The following PRKN variants were observed in gnomAD, a reference collection of about 807,000 sequenced individuals.
The protein encoded by PRKN is parkin RBR E3 ubiquitin protein ligase.
PRKN carries 56 observed loss-of-function variants against 59.5 expected under a neutral mutation model. That is an observed-to-expected ratio of 0.94 (90% confidence interval 0.76 to 1.18). The LOEUF is 1.18. Ranked by LOEUF, PRKN falls within the 50% of genes most tolerant of loss-of-function variation. PRKN has a pLI of 0.00. For synonymous variants in PRKN, 250 were observed against 222.1 expected (o/e 1.13, Z -1.12); for missense variants, 657 against 596.4 (o/e 1.10, Z -1.06).
intron 2 of PRKN, among the ~76,000 whole-genome samples, chr6:162,350,448 G>A (rs898704674): frequency 7.9e-5 from 12 of 152,084 alleles, no homozygotes; most frequent in Non-Finnish European, 1.3e-4. Flanking sequence ...TCAAGCTACC[G>A]TAAAAAAGAG....
intron 1 of PRKN, among the ~76,000 whole-genome samples, chr6:162,564,993 A>C (rs898868594): frequency 6.6e-6 from 1 of 152,188 alleles, no homozygotes; most frequent in Non-Finnish European, 1.5e-5. Flanking sequence ...TGTGTAAACT[A>C]CTCTTACCCT....
intron 1 of PRKN, among the ~76,000 whole-genome samples, chr6:162,697,732 C>T (rs967857342): frequency 6.6e-6 from 1 of 152,096 alleles, no homozygotes; most frequent in Non-Finnish European, 1.5e-5. Context: ...TTTATGGAAA[C>T]AATTTTTGCA....
chr6:162,450,758 A>T (rs1247832651), intron 1 of PRKN, among the ~76,000 whole-genome samples: 1 of 152,224 alleles, frequency 6.6e-6, no homozygotes, highest in Non-Finnish European at 1.5e-5. Flanking sequence ...GTTAGAGTCT[A>T]AGGGCCTAAG....
chr6:162,719,914 A>C (rs938354599), intron 1 of PRKN, among the ~76,000 whole-genome samples: 2 of 109,202 alleles, frequency 1.8e-5, no homozygotes, highest in East Asian at 6.2e-4. Context: ...AAAAAAAAAA[A>C]AAAAACTAAA....
intron 7 of PRKN, among the ~76,000 whole-genome samples, chr6:161,601,162 T>C (rs1358374894): frequency 6.6e-6 from 1 of 152,228 alleles, no homozygotes; most frequent in African/African-American, 2.4e-5. Context: ...GTTTTTCTAT[T>C]TATGTCTTAG....
At chr6:162,332,194 T>C (rs144046704) in intron 2 of PRKN, among the ~76,000 whole-genome samples, 1 of 152,180 alleles carries the variant, frequency 6.6e-6, no homozygotes, top group Non-Finnish European at 1.5e-5. Context: ...AGATTTCACA[T>C]ACAATTCCAA....
intron 7 of PRKN, among the ~76,000 whole-genome samples, chr6:161,752,256 G>C (rs989038749): frequency 3.9e-5 from 6 of 152,144 alleles, no homozygotes; most frequent in African/African-American, 1.4e-4. Flanking sequence ...TGTAGTCCCA[G>C]CTACTCGAGA....
chr6:161,735,698 C>T (rs1181964516), intron 7 of PRKN, among the ~76,000 whole-genome samples: 2 of 151,972 alleles, frequency 1.3e-5, no homozygotes, highest in Non-Finnish European at 2.9e-5. Context: ...GGGTGGATCA[C>T]GAGGTCAGGA....
At chr6:162,720,735 C>T (rs1778912415) in intron 1 of PRKN, among the ~76,000 whole-genome samples, 2 of 152,090 alleles carry the variant, frequency 1.3e-5, no homozygotes, top group Admixed American at 6.5e-5. Flanking sequence ...CAGGCGTGAG[C>T]CACCGCGCCC....
intron 2 of PRKN, among the ~76,000 whole-genome samples, chr6:162,272,126 C>T (rs1021553728): frequency 6.6e-5 from 10 of 152,230 alleles, no homozygotes; most frequent in Middle Eastern, 3.4e-3. Context: ...GAGGGGGGAC[C>T]GCTCAGGAAT....
chr6:161,824,353 C>T (rs1331662783), intron 6 of PRKN, among the ~76,000 whole-genome samples: 1 of 152,124 alleles, frequency 6.6e-6, no homozygotes, highest in East Asian at 1.9e-4. Flanking sequence ...TTCATTTTGG[C>T]CAAGAATATA....
In PRKN at chr6:161,395,419, C is replaced by G. The variant is rs1258942322; in HGVS notation, c.1084-8542G>C. On this transcript the variant is annotated intron_variant, in intron 9 of 11. Transcript: ENST00000366898. This position sits in a 1 kb window ranked among gnomAD's most constrained non-coding sequence, Gnocchi z 5.0. The stretch of plus-strand genomic sequence containing the variant: ...CCTTCCAATATTTTGCCATGACAAA[C>G]AAAGCTGCAGGGAATGTCCCGCTCT... Among the ~76,000 whole-genome samples, 1 of 152,186 alleles carries G rather than the reference C, an allele frequency of 6.6e-6. No individual in the cohort carries two copies. Among genetic ancestry groups the G allele is most frequent in the Non-Finnish European group, 1.5e-5 (1 of 68,048 alleles).
intron 1 of PRKN, among the ~76,000 whole-genome samples, chr6:162,703,545 T>C (rs2128237224): frequency 6.6e-6 from 1 of 152,308 alleles, no homozygotes; most frequent in South Asian, 2.1e-4. Context: ...ACTCTTCATT[T>C]TTCCATGTCT....
At chr6:161,681,562 C>T (rs1447324719) in intron 7 of PRKN, among the ~76,000 whole-genome samples, 7 of 152,092 alleles carry the variant, frequency 4.6e-5, no homozygotes, top group African/African-American at 9.7e-5. Context: ...TCCTACAATG[C>T]TCATTTCTGT....
chr6:162,704,681 A>C (rs1408442335), intron 1 of PRKN, among the ~76,000 whole-genome samples: 1 of 152,184 alleles, frequency 6.6e-6, no homozygotes, highest in Non-Finnish European at 1.5e-5. Flanking sequence ...TTCTAAATTA[A>C]AAAACCAAGT....
intron 4 of PRKN, among the ~76,000 whole-genome samples, chr6:162,069,053 A>G (rs1465030726): frequency 1.3e-5 from 2 of 152,170 alleles, no homozygotes; most frequent in African/African-American, 4.8e-5. Context: ...TAAAATTTCA[A>G]ATAAGTCATT....
chr6:161,532,540 T>C (rs766038349), intron 9 of PRKN, among the ~76,000 whole-genome samples: 3 of 152,120 alleles, frequency 2.0e-5, no homozygotes, highest in African/African-American at 7.2e-5. Context: ...TAATGTTAAA[T>C]GTTCCAGAGA....
At chr6:162,425,013 T>C (rs906313663) in intron 2 of PRKN, among the ~76,000 whole-genome samples, 1 of 151,844 alleles carries the variant, frequency 6.6e-6, no homozygotes, top group African/African-American at 2.4e-5. Context: ...AAAATCCTTA[T>C]GTAGAATGGA....
intron 4 of PRKN, among the ~76,000 whole-genome samples, chr6:162,091,146 T>A (rs1233879107): frequency 6.6e-6 from 1 of 151,906 alleles, no homozygotes; most frequent in Non-Finnish European, 1.5e-5. Context: ...ATATTACTGT[T>A]ACATGATTAT....
Sources: gnomAD v4.1 joint callset for allele counts (sites outside exome capture counted in the v4.1 genomes callset) on GRCh38, gnomAD v4.1.1 for gene constraint, Gnocchi (gnomAD v3.1) non-coding constraint, MANE v1.5 for transcripts, NCBI Gene and HGNC (gene_info 2026-07-23, HGNC 2026-07-21) for gene names.